Variants in NCKAP5 observed in about 807,000 individuals in gnomAD.
NCKAP5 encodes the protein NCK associated protein 5.
NCKAP5 carries 92 observed loss-of-function variants against 167.0 expected under a neutral mutation model. That is an observed-to-expected ratio of 0.55 (90% CI 0.47 to 0.66). The LOEUF is 0.66. NCKAP5 is among the 30% of genes least tolerant of loss of function. NCKAP5 has a pLI of 0.00. For synonymous variants in NCKAP5, 891 were observed against 877.4 expected, an observed-to-expected ratio of 1.02 and a Z score of -0.27; for missense variants, 2,378 against 2,315.0, an observed-to-expected ratio of 1.03 and a Z score of -0.56.
chr2:132,743,958 T>C lies in NCKAP5; in HGVS notation c.5129-11907A>G, dbSNP rs79011556. 9.6e-3 allele frequency among the ~76,000 whole-genome samples: 1,450 copies of C among 151,788 alleles called. 123 individuals carry two copies. In the East Asian group the frequency reaches 0.2, roughly 21 times the overall value. On this transcript the variant is annotated intron_variant, in intron 16 of 19. Coordinates refer to ENST00000409261, the MANE Select transcript of NCKAP5 (RefSeq NM_207363.3). ...ATTACCAGGGATCAGAAGAAATATG[T>C]TATAGTTATAACAAGGTAAATTTAT...
At chr2:132,910,365 A>T (rs1694351306) in intron 8 of NCKAP5, among the ~76,000 whole-genome samples, 2 of 151,822 alleles carry the variant, frequency 1.3e-5, no homozygotes, top group Non-Finnish European at 2.9e-5. Flanking sequence ...CATTCTTCCT[A>T]TTTTTCTGTA....
At chr2:132,995,815 A>C (rs1332708195) in intron 6 of NCKAP5, among the ~76,000 whole-genome samples, 4 of 151,876 alleles carry the variant, frequency 2.6e-5, no homozygotes, top group Admixed American at 2.6e-4. Flanking sequence ...TCTTTACTAA[A>C]AATACAAAAA....
At chr2:132,739,601 G>GT (rs1691834306) in intron 16 of NCKAP5, among the ~76,000 whole-genome samples, 1 of 152,050 alleles carries the variant, frequency 6.6e-6, no homozygotes, top group Non-Finnish European at 1.5e-5. Flanking sequence ...GGCCCCTGTA[G>GT]GTACATAATA....
intron 6 of NCKAP5, among the ~76,000 whole-genome samples, chr2:133,078,980 C>G (rs1309312906): frequency 6.6e-6 from 1 of 152,102 alleles, no homozygotes; most frequent in Non-Finnish European, 1.5e-5. Flanking sequence ...AGGAACGAGG[C>G]TCTTAGTAAC....
chr2:133,066,635 G>A (rs952219711), intron 6 of NCKAP5, among the ~76,000 whole-genome samples: 3 of 152,012 alleles, frequency 2.0e-5, no homozygotes, highest in East Asian at 1.9e-4. Flanking sequence ...AAGCAAACTC[G>A]TTTCCCATAC....
chr2:133,124,649 T>C (rs146591903), intron 6 of NCKAP5, among the ~76,000 whole-genome samples: 1 of 152,372 alleles, frequency 6.6e-6, no homozygotes, highest in East Asian at 1.9e-4. Flanking sequence ...TTTGTTCATA[T>C]ATGTACGTAA....
At chr2:133,184,470 TG>T (rs2084861283) in intron 5 of NCKAP5, among the ~76,000 whole-genome samples, 1 of 152,216 alleles carries the variant, frequency 6.6e-6, no homozygotes, top group Non-Finnish European at 1.5e-5. Context: ...TATATTCCTT[TG>T]GGTGTATACC....
At chr2:133,647,423 A>AGGAAG in the NCKAP5 span, among the ~76,000 whole-genome samples, 2 of 74,958 alleles carry the variant, frequency 2.7e-5, no homozygotes, top group Non-Finnish European at 2.6e-5. Flanking sequence ...AAGGAAGAGA[A>AGGAAG]AGAAAGGAAG....
rs559168811 is a variant in NCKAP5, at chr2:133,414,057, A to G, written c.69+103401T>C. Among the ~76,000 whole-genome samples the G allele has an allele frequency of 4.6e-5, 7 of 152,310 alleles. No individual in the cohort carries two copies. The South Asian group carries it at 1.4e-3, about 32-fold the overall frequency. ...ATAGGTATCATTATAGTATTCTCCTACAGTAGAAGAACCACTTAGGATGGG... is the reference window on the plus strand; with the variant it reads ...ATAGGTATCATTATAGTATTCTCCTGCAGTAGAAGAACCACTTAGGATGGG... On this transcript the variant is annotated intron_variant, in intron 3 of 19. Transcript: ENST00000409261.
the NCKAP5 span, among the ~76,000 whole-genome samples, chr2:133,668,383 T>A: frequency 6.6e-6 from 1 of 152,066 alleles, no homozygotes; most frequent in South Asian, 2.1e-4. Context: ...CTACACAATT[T>A]ACACAATTTT....
chr2:132,755,085 C>T (rs184230951), intron 16 of NCKAP5, among the ~76,000 whole-genome samples: 17 of 152,344 alleles, frequency 1.1e-4, no homozygotes, highest in Non-Finnish European at 5.9e-5. Context: ...GAAAATGAAA[C>T]TGACTCACTC....
At chr2:132,836,601 A>C (rs530398369) in intron 11 of NCKAP5, among the ~76,000 whole-genome samples, 186 of 152,060 alleles carry the variant, frequency 1.2e-3, no homozygotes, top group African/African-American at 4.4e-3. Flanking sequence ...TGGTTACGTA[A>C]GTTCTTTAGC....
intron 3 of NCKAP5, among the ~76,000 whole-genome samples, chr2:133,434,205 C>A (rs1690329493): frequency 1.3e-5 from 2 of 152,188 alleles, no homozygotes; most frequent in Non-Finnish European, 1.5e-5. Context: ...GTGTTTACCT[C>A]TTCCTTCCTT....
chr2:133,433,178 T>C (rs1025213718), intron 3 of NCKAP5, among the ~76,000 whole-genome samples: 2 of 152,216 alleles, frequency 1.3e-5, no homozygotes, highest in Non-Finnish European at 2.9e-5. Flanking sequence ...CTGTTATAAA[T>C]TTGTATGACT....
intron 19 of NCKAP5, among the ~76,000 whole-genome samples, chr2:132,716,945 T>G (rs1283457057): frequency 1.3e-5 from 2 of 152,138 alleles, no homozygotes; most frequent in African/African-American, 4.8e-5. Context: ...GCTGGCTGGG[T>G]TTTTTGTTTG....
chr2:132,838,594 T>A (rs1196219449), intron 11 of NCKAP5, among the ~76,000 whole-genome samples: 1 of 152,266 alleles, frequency 6.6e-6, no homozygotes, highest in Non-Finnish European at 1.5e-5. Flanking sequence ...ATTACACCAC[T>A]GCACTCCAGG....
chr2:133,046,039 G>T lies in NCKAP5; in HGVS notation c.342-51800C>A, dbSNP rs145223360. On this transcript the variant is annotated intron_variant, in intron 6 of 19. Coordinates refer to ENST00000409261, the MANE Select transcript of NCKAP5 (RefSeq NM_207363.3). ...AAGGGATGATTCACATCTCAGGCTG[G>T]ACGGAGCAGGTTGGTGAGAAATCTC... is the stretch of plus-strand genomic sequence containing the variant. Among the ~76,000 whole-genome samples, 255 of 152,294 alleles carry T rather than the reference G, an allele frequency of 1.7e-3. 2 individuals are homozygous for T. Among genetic ancestry groups the T allele is most frequent in the Non-Finnish European group, 2.6e-3 (174 of 68,026 alleles).
chr2:132,964,075 A>G (rs1573569132), intron 7 of NCKAP5, among the ~76,000 whole-genome samples: 1 of 152,248 alleles, frequency 6.6e-6, no homozygotes, highest in Admixed American at 6.5e-5. Flanking sequence ...TTGGGTTGCC[A>G]TCTCTCAATG....
At chr2:133,550,124 G>T (rs1460550571) in intron 2 of NCKAP5, among the ~76,000 whole-genome samples, 1 of 147,504 alleles carries the variant, frequency 6.8e-6, no homozygotes, top group Non-Finnish European at 1.5e-5. Context: ...CAACCAAAAA[G>T]AGTCCAGGAC....
Sources: allele counts gnomAD v4.1 joint callset (sites outside exome capture counted in the v4.1 genomes callset), GRCh38; gene constraint gnomAD v4.1.1; transcripts MANE v1.5; gene names NCBI Gene and HGNC (gene_info 2026-07-23, HGNC 2026-07-21).